DMD: variants seen among roughly 807,000 people sequenced by gnomAD.
DMD encodes mutant dystrophin.
Under a neutral mutation model 330.1 loss-of-function variants are expected in DMD, and 63 were observed. That is an observed-to-expected ratio of 0.19 (90% CI 0.16 to 0.24). The LOEUF (loss-of-function observed/expected upper bound fraction) is 0.24. Ranked by LOEUF, DMD falls within the 10% of genes least tolerant of loss-of-function variation. DMD has a pLI of 1.00. For missense variants in DMD, 3,344 were observed against 2,684.1 expected (o/e 1.25, Z -5.43); for synonymous variants, 1,223 against 959.8 (o/e 1.27, Z -5.07).
intron 44 of DMD, among the ~76,000 whole-genome samples, chrX:32,194,506 G>A (rs1456969014): frequency 1.8e-5 from 2 of 112,028 alleles, no homozygotes; most frequent in African/African-American, 6.5e-5. Flanking sequence ...TCATATGGTT[G>A]CTTTTACCAT....
At chrX:33,057,059 G>A (rs1041071864) in intron 1 of DMD, among the ~76,000 whole-genome samples, 13 of 111,668 alleles carry the variant, frequency 1.2e-4, no homozygotes, top group African/African-American at 4.2e-4. Context: ...TCAAATTAGA[G>A]ATGATTTTTT....
chrX:31,683,091 G>T (rs16989784), intron 52 of DMD, among the ~76,000 whole-genome samples: 2,144 of 111,850 alleles, frequency 0.019, 63 homozygotes, highest in African/African-American at 0.066. Context: ...TCCTTGGGGT[G>T]TGCATCCCAC....
At chrX:33,270,802 A>C (rs1389634350) in intron 1 of DMD, among the ~76,000 whole-genome samples, 1 of 112,143 alleles carries the variant, frequency 8.9e-6, no homozygotes, top group Non-Finnish European at 1.9e-5. Context: ...ATAAACTATT[A>C]ATTTTTAGAG....
In DMD at chrX:32,879,021, A is replaced by AAAAAAAAAAAAAAAAC. The variant is rs1352069437; in HGVS notation, c.94-29202_94-29201insGTTTTTTTTTTTTTTT. On this transcript the variant is annotated intron_variant, in intron 2 of 78. Coordinates refer to ENST00000357033, the MANE Select transcript of DMD (RefSeq NM_004006.3). ...AGACTACGTCTCAAAAAAAAAACAA[A>AAAAAAAAAAAAAAAAC]AAACAAAAAACAAACAAAAAAAAAA... 5.9e-5 allele frequency among the ~76,000 whole-genome samples: 6 copies of AAAAAAAAAAAAAAAAC among 101,756 alleles called. 1 individual carries two copies. Among genetic ancestry groups the AAAAAAAAAAAAAAAAC allele is most frequent in the Admixed American group, 1.0e-4 (1 of 9,553 alleles). 88.4% of individuals were successfully genotyped at this position (101,756 alleles called of 115,157 possible). A position where few individuals can be genotyped will look rare whatever the true frequency, so the allele number is the denominator to read the frequency against.
At chrX:32,377,330 C>G (rs962517422) in intron 34 of DMD, among the ~76,000 whole-genome samples, 1 of 111,560 alleles carries the variant, frequency 9.0e-6, no homozygotes, top group African/African-American at 3.3e-5. Flanking sequence ...AAGTAATAGC[C>G]CAACTGTGTT....
chrX:31,875,163 A>G (rs1311507597), intron 48 of DMD, 25 bp downstream of exon 48: 1 of 1,178,865 alleles, frequency 8.5e-7, no homozygotes, highest in South Asian at 1.9e-5. Flanking sequence ...AAAGACAAAA[A>G]TATTTAAAGC....
chrX:32,994,698 C>T (rs1402276990), intron 2 of DMD, among the ~76,000 whole-genome samples: 1 of 111,359 alleles, frequency 9.0e-6, no homozygotes, highest in Non-Finnish European at 1.9e-5. Flanking sequence ...AACATTCTGA[C>T]CACAAAACAT....
intron 1 of DMD, among the ~76,000 whole-genome samples, chrX:33,074,415 AT>A (rs3083149): frequency 0.022 from 2,189 of 101,074 alleles, 41 homozygotes; most frequent in African/African-American, 0.067. Flanking sequence ...TTAACACTAT[AT>A]TTTTTTTTTT....
At chrX:32,885,930 C>A (rs1331871103) in intron 2 of DMD, among the ~76,000 whole-genome samples, 1 of 107,864 alleles carries the variant, frequency 9.3e-6, no homozygotes, top group East Asian at 2.9e-4. Flanking sequence ...ATATTAGTCA[C>A]AATAAAACTC....
intron 34 of DMD, among the ~76,000 whole-genome samples, chrX:32,365,944 T>G (rs2097853032): frequency 9.0e-6 from 1 of 111,658 alleles, no homozygotes; most frequent in Non-Finnish European, 1.9e-5. Context: ...TTGCTGGAGT[T>G]TGTTGCTCAC....
chrX:32,005,872 C>T (rs1325207652), intron 44 of DMD, among the ~76,000 whole-genome samples: 3 of 111,381 alleles, frequency 2.7e-5, no homozygotes, highest in African/African-American at 9.8e-5. Flanking sequence ...TACCCATATA[C>T]ATGGTACTAT....
intron 30 of DMD, among the ~76,000 whole-genome samples, chrX:32,406,522 T>C (rs749747464): frequency 9.0e-6 from 1 of 110,662 alleles, no homozygotes; most frequent in South Asian, 3.9e-4. Flanking sequence ...ATGTGGTATT[T>C]GTGATTGGTT....
At chrX:32,151,678 A>C (rs892034295) in intron 44 of DMD, among the ~76,000 whole-genome samples, 1 of 111,532 alleles carries the variant, frequency 9.0e-6, no homozygotes, top group Admixed American at 9.5e-5. Context: ...ACCCTTATTG[A>C]CAGATATTAC....
Position 32,392,364 on chromosome X carries a change from T to C in DMD, c.4234-2183A>G, listed in dbSNP as rs1038222950. ...ACCTCCGCCTCCCAGGTTCAAGCGA[T>C]TCTCCTGCCTCAGCCAACCAAGTAG... On this transcript the variant is annotated intron_variant, in intron 30 of 78. Transcript: ENST00000357033. Among the ~76,000 whole-genome samples the C allele has an allele frequency of 1.1e-4, 12 of 111,858 alleles. No homozygotes were observed. In the East Asian group the frequency reaches 3.4e-3, roughly 32 times the overall value.
chrX:33,333,243 T>C (rs2054205083), intron 1 of DMD, among the ~76,000 whole-genome samples: 1 of 111,756 alleles, frequency 8.9e-6, no homozygotes, highest in Non-Finnish European at 1.9e-5. Context: ...TGTAAAACTT[T>C]ACTTGTATGT....
At chrX:31,881,600 T>C (rs1363770920) in intron 47 of DMD, among the ~76,000 whole-genome samples, 2 of 111,660 alleles carry the variant, frequency 1.8e-5, no homozygotes, top group Non-Finnish European at 3.8e-5. Flanking sequence ...AGCTGTACTA[T>C]TTTTTATCAT....
In DMD at chrX:32,876,683, A is replaced by G. The variant is rs772526473; in HGVS notation, c.94-26863T>C. 7.2e-5 allele frequency among the ~76,000 whole-genome samples: 8 copies of G among 111,531 alleles called. No homozygotes were observed. In the Admixed American group the frequency reaches 7.6e-4, roughly 11 times the overall value. On this transcript the variant is annotated intron_variant, in intron 2 of 78. Transcript: ENST00000357033. ...TACTTTATGAGCCCCTGGCTGAAAG[A>G]TATTTTTTTTTAATCCCCTACTAAA...
chrX:32,243,837 T>C (rs913316912), intron 43 of DMD, among the ~76,000 whole-genome samples: 1 of 111,478 alleles, frequency 9.0e-6, no homozygotes, highest in Admixed American at 9.5e-5. Flanking sequence ...TCAGTACCTA[T>C]CCCATACATC....
At chrX:31,569,666 A>ACG (rs2075701665) in intron 55 of DMD, among the ~76,000 whole-genome samples, 2 of 102,954 alleles carry the variant, frequency 1.9e-5, no homozygotes, top group African/African-American at 7.0e-5. Context: ...ATACGTATAT[A>ACG]TACGTATATA....
Sources: allele counts gnomAD v4.1 joint callset (sites outside exome capture counted in the v4.1 genomes callset), GRCh38; gene constraint gnomAD v4.1.1; transcripts MANE v1.5; gene names NCBI Gene and HGNC (gene_info 2026-07-23, HGNC 2026-07-21).